The following BIRC6 variants were observed in gnomAD, a reference collection of about 807,000 sequenced individuals.
BIRC6 encodes the protein dual E2 ubiquitin-conjugating enzyme/E3 ubiquitin-protein ligase BIRC6.
In BIRC6, 98 loss-of-function variants were observed where a neutral mutation model predicts 503.3. That is an observed-to-expected ratio of 0.19 (90% CI 0.17 to 0.23). The LOEUF is 0.23. Ranked by LOEUF, BIRC6 falls within the 10% of genes least tolerant of loss-of-function variation. The pLI is 1.00. For synonymous variants in BIRC6, 2,240 were observed against 2,078.7 expected (o/e 1.08, Z -2.11); for missense variants, 5,360 against 5,806.0 (o/e 0.92, Z 2.50).
At chr2:32,367,837 C>A (rs1304806618) in intron 1 of BIRC6, among the ~76,000 whole-genome samples, 3 of 151,944 alleles carry the variant, frequency 2.0e-5, no homozygotes, top group African/African-American at 7.3e-5. Flanking sequence ...ACCTTCCCCC[C>A]AAAAGTAATT....
intron 63 of BIRC6, among the ~76,000 whole-genome samples, chr2:32,546,213 A>G (rs1329549011): frequency 6.6e-6 from 1 of 152,174 alleles, no homozygotes; most frequent in African/African-American, 2.4e-5. Flanking sequence ...AGCCAGTGCA[A>G]TAAGACAGGA....
chr2:32,375,908 G>T (rs1244442523), intron 1 of BIRC6, among the ~76,000 whole-genome samples: 1 of 152,070 alleles, frequency 6.6e-6, no homozygotes, highest in African/African-American at 2.4e-5. Flanking sequence ...TGAGATGGCC[G>T]GGCGCAGTGG....
At chr2:32,526,241 T>A (rs960711534) in intron 59 of BIRC6, among the ~76,000 whole-genome samples, 16 of 152,092 alleles carry the variant, frequency 1.1e-4, no homozygotes, top group African/African-American at 3.9e-4. Context: ...CCAGCCCCCT[T>A]CAGATATTTT....
At chr2:32,365,327 C>T (rs1573650444) in intron 1 of BIRC6, among the ~76,000 whole-genome samples, 1 of 143,584 alleles carries the variant, frequency 7.0e-6, no homozygotes, top group Admixed American at 7.0e-5. Flanking sequence ...ATAAATGTTA[C>T]TTTTTTTTTT....
chr2:32,435,411 G>T, intron 13 of BIRC6, 85 bp from the exon 14 acceptor site: 1 of 1,338,198 alleles, frequency 7.5e-7, no homozygotes, highest in Non-Finnish European at 9.7e-7. Context: ...ATAAATCATT[G>T]ATATTAAAGA....
chr2:32,375,176 TTATC>T (rs1446757641), intron 1 of BIRC6, among the ~76,000 whole-genome samples: 1 of 151,886 alleles, frequency 6.6e-6, no homozygotes, highest in Non-Finnish European at 1.5e-5. Flanking sequence ...TGATTGATTT[TTATC>T]TACACGGGTA....
At chr2:32,568,528 A>G in intron 65 of BIRC6, among the ~76,000 whole-genome samples, 1 of 150,390 alleles carries the variant, frequency 6.6e-6, no homozygotes, top group East Asian at 2.0e-4. Flanking sequence ...TATAAATATT[A>G]ATGTAAAGTT....
intron 57 of BIRC6, chr2:32,522,416 G>C (rs1413844069): frequency 6.6e-6 from 1 of 152,060 alleles, no homozygotes; most frequent in Non-Finnish European, 1.5e-5. Flanking sequence ...ATCTTTGTAA[G>C]TAGGATCAGA....
chr2:32,435,474 A>T (rs1460423314), intron 13 of BIRC6, 22 bp from the exon 14 acceptor site: 20 of 1,545,078 alleles, frequency 1.3e-5, no homozygotes, highest in Non-Finnish European at 1.7e-5. Context: ...AGATAGGCAG[A>T]TCACCTTTCC....
At chr2:32,552,416 A>T (rs1056041664) in intron 65 of BIRC6, among the ~76,000 whole-genome samples, 2 of 152,218 alleles carry the variant, frequency 1.3e-5, no homozygotes, top group Non-Finnish European at 2.9e-5. Flanking sequence ...TGATAATACT[A>T]AGCTGACCAT....
chr2:32,552,034 C>T (rs1318967352), intron 65 of BIRC6, among the ~76,000 whole-genome samples: 1 of 152,134 alleles, frequency 6.6e-6, no homozygotes, highest in African/African-American at 2.4e-5. Flanking sequence ...TAAAATAATG[C>T]ACATTTTCTT....
intron 24 of BIRC6, among the ~76,000 whole-genome samples, chr2:32,464,113 G>T (rs72867272): frequency 0.018 from 2,759 of 152,240 alleles, 75 homozygotes; most frequent in African/African-American, 0.063. Flanking sequence ...ACTGGTCCCT[G>T]GTGTCAAAAA....
chr2:32,446,048 G>T (rs1477522839), intron 21 of BIRC6, among the ~76,000 whole-genome samples: 1 of 151,850 alleles, frequency 6.6e-6, no homozygotes, highest in Non-Finnish European at 1.5e-5. Context: ...TAGAGACGGG[G>T]TTTCTTCATG....
intron 22 of BIRC6, among the ~76,000 whole-genome samples, chr2:32,451,473 A>C (rs151048144): frequency 2.0e-5 from 3 of 152,312 alleles, no homozygotes; most frequent in South Asian, 2.1e-4. Flanking sequence ...GCATGGTGTT[A>C]TTCACTGTGC....
Position 32,607,975 on chromosome 2 carries a change from CAAAAAAAAAAAAAA to C in BIRC6, c.14259+344_14259+357del, listed in dbSNP as rs35242178. ...TGACAGCAGAGCAAGACTCCATCTC[CAAAAAAAAAAAAAA>C]AAAAAAAAAAAGACATTTTAAAATA... On this transcript the variant is annotated intron_variant, in intron 72 of 73. Transcript: ENST00000421745. 3.5e-4 allele frequency among the ~76,000 whole-genome samples: 18 copies of C among 51,934 alleles called. No individual in the cohort carries two copies. In the Admixed American group the frequency reaches 3.8e-3, roughly 11 times the overall value. 34.1% of individuals were successfully genotyped at this position (51,934 alleles called of 152,430 possible). A position where few individuals can be genotyped will look rare whatever the true frequency, so the allele number is the denominator to read the frequency against.
intron 8 of BIRC6, among the ~76,000 whole-genome samples, chr2:32,405,122 T>C (rs908515344): frequency 1.3e-5 from 2 of 152,144 alleles, no homozygotes; most frequent in African/African-American, 4.8e-5. Context: ...TAATACTTGG[T>C]TATTTATTTT....
chr2:32,388,620 A>T, intron 3 of BIRC6, 130 bp from the exon 4 acceptor site: 1 of 677,542 alleles, frequency 1.5e-6, no homozygotes, highest in Non-Finnish European at 2.3e-6. Context: ...TTTCTGTTTT[A>T]AATGATAAAC....
chr2:32,466,866 TC>T (rs1267632664), intron 26 of BIRC6, among the ~76,000 whole-genome samples: 1 of 152,106 alleles, frequency 6.6e-6, no homozygotes, highest in East Asian at 1.9e-4. Context: ...ATGCCTGTAA[TC>T]CCAGCGCTTT....
intron 45 of BIRC6, among the ~76,000 whole-genome samples, 191 bp from the exon 46 acceptor site, chr2:32,499,356 A>G (rs751983629): frequency 6.6e-6 from 1 of 152,216 alleles, no homozygotes; most frequent in Non-Finnish European, 1.5e-5. Context: ...GGCAAGAACA[A>G]GAATTCCAAA....
Sources: gnomAD v4.1 joint callset for allele counts (sites outside exome capture counted in the v4.1 genomes callset) on GRCh38, gnomAD v4.1.1 for gene constraint, MANE v1.5 for transcripts, NCBI Gene and HGNC (gene_info 2026-07-23, HGNC 2026-07-21) for gene names.